Variants in ADCY1 observed in about 807,000 individuals in gnomAD.
The protein encoded by ADCY1 is adenylate cyclase type 1.
In ADCY1, 28 loss-of-function variants were observed where a neutral mutation model predicts 105.4. That is an observed-to-expected ratio of 0.27 (90% CI 0.20 to 0.36). The LOEUF (loss-of-function observed/expected upper bound fraction) is 0.36. Ranked by LOEUF, ADCY1 falls within the 10% of genes least tolerant of loss-of-function variation. The probability of loss-of-function intolerance (pLI) is 1.00; values close to 1 mark genes in which losing one functional copy is unlikely to be tolerated. For synonymous variants in ADCY1, 655 were observed against 623.8 expected (o/e 1.05, Z -0.75); for missense variants, 977 against 1,434.2 (o/e 0.68, Z 5.15).
intron 3 of ADCY1, among the ~76,000 whole-genome samples, chr7:45,612,265 G>C (rs1793614001): frequency 6.6e-6 from 1 of 152,206 alleles, no homozygotes; most frequent in South Asian, 2.1e-4. Context: ...CTCTCTGCTA[G>C]ATACTTGGTT....
At chr7:45,646,684 C>G (rs990002746) in intron 4 of ADCY1, among the ~76,000 whole-genome samples, 2 of 152,236 alleles carry the variant, frequency 1.3e-5, no homozygotes, top group African/African-American at 4.8e-5. Flanking sequence ...TCCCGGGCCC[C>G]TGCCACAGGC....
chr7:45,589,790 G>C (rs1335204872), intron 1 of ADCY1, among the ~76,000 whole-genome samples: 2 of 150,436 alleles, frequency 1.3e-5, no homozygotes, highest in African/African-American at 2.5e-5. Context: ...CTCCACCGTG[G>C]GTTTTTTTTT....
chr7:45,666,913 G>C (rs1359094321), intron 8 of ADCY1, among the ~76,000 whole-genome samples: 9 of 152,190 alleles, frequency 5.9e-5, no homozygotes, highest in African/African-American at 1.9e-4. Flanking sequence ...TTTTTTGGCT[G>C]CATAAATGTC....
chr7:45,657,913 A>AAGGGGGGGGGGGGGGGGGGGGGGGGG, intron 6 of ADCY1, 28 bp downstream of exon 6: 2 of 328,918 alleles, frequency 6.1e-6, no homozygotes, highest in East Asian at 7.1e-5. Flanking sequence ...TGGGGAGGGG[A>AAGGGGGGGGGGGGGGGGGGGGGGGGG]GGGAGGTGGG....
intron 8 of ADCY1, among the ~76,000 whole-genome samples, chr7:45,671,046 A>G (rs556872479): frequency 1.2e-3 from 182 of 152,352 alleles, no homozygotes; most frequent in Middle Eastern, 0.01. Flanking sequence ...TTGGCAATGG[A>G]AAAGCTGCTG....
chr7:45,660,214 A>G, intron 7 of ADCY1, 31 bp downstream of exon 7: 1 of 1,613,124 alleles, frequency 6.2e-7, no homozygotes, highest in Non-Finnish European at 8.5e-7. Flanking sequence ...CATTTGGTTG[A>G]TCCTTAGCTT....
At chr7:45,656,657 G>A (rs955632803) in intron 5 of ADCY1, among the ~76,000 whole-genome samples, 3 of 152,310 alleles carry the variant, frequency 2.0e-5, no homozygotes, top group African/African-American at 7.2e-5. Context: ...GGCCACAGTG[G>A]GAAGTTGGGG....
At chr7:45,668,111 A>G (rs1015759374) in intron 8 of ADCY1, among the ~76,000 whole-genome samples, 2 of 152,142 alleles carry the variant, frequency 1.3e-5, no homozygotes. Flanking sequence ...CTAATTGAAT[A>G]CCCTTTATTT....
intron 2 of ADCY1, among the ~76,000 whole-genome samples, chr7:45,605,998 T>C (rs1290600377): frequency 2.0e-5 from 3 of 152,236 alleles, no homozygotes. Flanking sequence ...GGGGGGTTGC[T>C]GTCTCTTTAC....
chr7:45,580,112 G>C (rs1021403552), intron 1 of ADCY1, among the ~76,000 whole-genome samples: 12 of 152,186 alleles, frequency 7.9e-5, no homozygotes, highest in African/African-American at 2.9e-4. Context: ...CTGGGATGAG[G>C]GTGAGCAGGA....
At chr7:45,689,159 G>C (rs868793738) in intron 14 of ADCY1, among the ~76,000 whole-genome samples, 1 of 151,764 alleles carries the variant, frequency 6.6e-6, no homozygotes, top group African/African-American at 2.4e-5. Flanking sequence ...GAGAACCCTC[G>C]CCCTTTGGCC....
In ADCY1 at chr7:45,719,941, T is replaced by C. The variant is rs1036105552; in HGVS notation, c.*5946T>C. On this transcript the variant is annotated 3_prime_UTR_variant, in exon 20 of 20. Transcript: ENST00000297323. ...CTGAAGTCCAGGGGCATTGAGGCAC[T>C]AACTAGGTTCCATTTTCTTTGGTTT... 1 of 152,170 alleles carries C rather than the reference T, an allele frequency of 6.6e-6. No homozygotes were observed. The highest frequency in any genetic ancestry group is 2.4e-5 in the African/African-American group (1 of 41,408). The allele number at this position is 152,170 out of a possible 1,614,324, so 9.4% of individuals were successfully genotyped here.
chr7:45,708,854 G>A lies in ADCY1; in HGVS notation c.2932+390G>A, dbSNP rs115296641. Among the ~76,000 whole-genome samples the A allele has an allele frequency of 1.3e-5, 2 of 152,310 alleles. No individual in the cohort carries two copies. Among genetic ancestry groups the A allele is most frequent in the African/African-American group, 4.8e-5 (2 of 41,566 alleles). ...GGCCTTGACGGGAGCCCCACTGTGC[G>A]GACTCCAGCCGCCCTGTGTCTTCTC... is the stretch of plus-strand genomic sequence containing the variant. On this transcript the variant is annotated intron_variant, in intron 18 of 19. Coordinates refer to ENST00000297323, the MANE Select transcript of ADCY1 (RefSeq NM_021116.4). This position sits in a 1 kb window ranked among gnomAD's most constrained non-coding sequence, Gnocchi z 4.7.
intron 4 of ADCY1, among the ~76,000 whole-genome samples, chr7:45,640,323 G>T (rs1347571771): frequency 6.6e-6 from 1 of 152,340 alleles, no homozygotes; most frequent in South Asian, 2.1e-4. Context: ...TGGCTTGCAA[G>T]CAAGGTTTTT....
intron 17 of ADCY1, among the ~76,000 whole-genome samples, chr7:45,705,603 A>G (rs1785102239): frequency 6.6e-6 from 1 of 152,202 alleles, no homozygotes; most frequent in South Asian, 2.1e-4. Context: ...TTTGCAAAAT[A>G]CCCATAGCTT....
At chr7:45,669,863 TG>T in intron 8 of ADCY1, among the ~76,000 whole-genome samples, 1 of 152,352 alleles carries the variant, frequency 6.6e-6, no homozygotes, top group Non-Finnish European at 1.5e-5. Context: ...GTTTTTCAAA[TG>T]GTGATAATTT....
At chr7:45,694,791 G>C (rs897438181) in intron 14 of ADCY1, among the ~76,000 whole-genome samples, 2 of 152,192 alleles carry the variant, frequency 1.3e-5, no homozygotes, top group African/African-American at 4.8e-5. Context: ...ACCCTTTTCA[G>C]TACTTTACCT....
intron 4 of ADCY1, among the ~76,000 whole-genome samples, chr7:45,635,833 G>A (rs1158259697): frequency 1.3e-5 from 2 of 151,826 alleles, no homozygotes; most frequent in African/African-American, 4.8e-5. Flanking sequence ...TGTTCAGTAA[G>A]TACCAATTAG....
At chr7:45,680,976 G>A (rs1233498554) in intron 11 of ADCY1, among the ~76,000 whole-genome samples, 2 of 152,252 alleles carry the variant, frequency 1.3e-5, no homozygotes, top group Admixed American at 6.5e-5. Context: ...ATTCTTGCGA[G>A]TGGATGTACA....
Sources: allele counts gnomAD v4.1 joint callset (sites outside exome capture counted in the v4.1 genomes callset), GRCh38; gene constraint gnomAD v4.1.1; non-coding constraint Gnocchi (gnomAD v3.1); transcripts MANE v1.5; gene names NCBI Gene and HGNC (gene_info 2026-07-23, HGNC 2026-07-21).